The following ADORA2B variants were observed in gnomAD, a reference collection of about 807,000 sequenced individuals.
ADORA2B encodes the protein adenosine receptor A2b.
ADORA2B carries 18 observed loss-of-function variants against 20.8 expected under a neutral mutation model. The observed-to-expected ratio is 0.87, with a 90% CI of 0.60 to 1.29. The LOEUF (loss-of-function observed/expected upper bound fraction) is 1.29. Ranked by LOEUF, ADORA2B falls within the 50% of genes most tolerant of loss-of-function variation. ADORA2B has a pLI of 0.00. For missense variants in ADORA2B, 441 were observed against 422.7 expected, an observed-to-expected ratio of 1.04 and a Z score of -0.38; for synonymous variants, 179 against 178.3, an observed-to-expected ratio of 1.00 and a Z score of -0.03.
chr17:15,921,828 C>T, the ADORA2B span, among the ~76,000 whole-genome samples: 1 of 152,180 alleles, frequency 6.6e-6, no homozygotes, highest in Non-Finnish European at 1.5e-5. Flanking sequence ...CATTTATCCT[C>T]ATAAATGAAA....
At chr17:15,954,788 A>ACAT (rs1317134047) in intron 1 of ADORA2B, among the ~76,000 whole-genome samples, 1 of 152,090 alleles carries the variant, frequency 6.6e-6, no homozygotes, top group Non-Finnish European at 1.5e-5. Flanking sequence ...TTTATTTCTC[A>ACAT]CATATGATTG....
At chr17:15,900,040 C>T in the ADORA2B span, among the ~76,000 whole-genome samples, 3 of 151,934 alleles carry the variant, frequency 2.0e-5, no homozygotes, top group Non-Finnish European at 4.4e-5. Context: ...CCATGTTGGC[C>T]AGGGTGGTCT....
the ADORA2B span, among the ~76,000 whole-genome samples, chr17:15,930,411 C>G: frequency 2.6e-5 from 4 of 151,958 alleles, no homozygotes; most frequent in East Asian, 7.7e-4. Context: ...ATCCTCCTAC[C>G]TAGTCTCCAG....
At chr17:15,889,227 A>G in the ADORA2B span, among the ~76,000 whole-genome samples, 1 of 128,824 alleles carries the variant, frequency 7.8e-6, no homozygotes, top group South Asian at 2.3e-4. Flanking sequence ...TGTAAAAGTA[A>G]TAGCTGGTCA....
intron 1 of ADORA2B, among the ~76,000 whole-genome samples, chr17:15,953,791 C>T (rs996847555): frequency 1.3e-5 from 2 of 152,292 alleles, no homozygotes; most frequent in South Asian, 2.1e-4. Flanking sequence ...AAAGGTAACT[C>T]GTGCTGCTGG....
the ADORA2B span, among the ~76,000 whole-genome samples, chr17:15,867,029 C>T: frequency 5.3e-5 from 8 of 152,242 alleles, no homozygotes; most frequent in African/African-American, 9.7e-5. Flanking sequence ...GCGAGTGATC[C>T]GCCAGCCTCG....
chr17:15,867,620 CG>C, the ADORA2B span, among the ~76,000 whole-genome samples: 13 of 146,368 alleles, frequency 8.9e-5, no homozygotes, highest in African/African-American at 3.1e-4. Flanking sequence ...GGAAGGGAGG[CG>C]GGGGGGTCAG....
intron 1 of ADORA2B, among the ~76,000 whole-genome samples, chr17:15,951,105 A>C (rs559351470): frequency 6.6e-6 from 1 of 152,348 alleles, no homozygotes; most frequent in Admixed American, 6.5e-5. Flanking sequence ...ACAGGTGGGA[A>C]GGGAGGGTCC....
chr17:15,901,167 T>A, the ADORA2B span, among the ~76,000 whole-genome samples: 2 of 152,108 alleles, frequency 1.3e-5, no homozygotes, highest in African/African-American at 4.8e-5. Context: ...TGAGCTATAC[T>A]GAAATAGCTA....
At chr17:15,881,698 G>A in the ADORA2B span, among the ~76,000 whole-genome samples, 1 of 152,206 alleles carries the variant, frequency 6.6e-6, no homozygotes, top group African/African-American at 2.4e-5. Context: ...TTGATGAGGG[G>A]CTGATTTCAC....
intron 1 of ADORA2B, among the ~76,000 whole-genome samples, chr17:15,961,507 G>C (rs949392751): frequency 1.1e-4 from 17 of 152,176 alleles, no homozygotes; most frequent in African/African-American, 3.9e-4. Flanking sequence ...GGTTGTGTCT[G>C]CCAGGGTTCT....
chr17:15,966,871 G>C (rs1254147686), intron 1 of ADORA2B, among the ~76,000 whole-genome samples: 2 of 152,200 alleles, frequency 1.3e-5, no homozygotes, highest in Non-Finnish European at 2.9e-5. Flanking sequence ...CATTTGGGGC[G>C]GTTGTCCTGC....
At chr17:15,934,657 T>C in the ADORA2B span, among the ~76,000 whole-genome samples, 5 of 152,176 alleles carry the variant, frequency 3.3e-5, no homozygotes, top group African/African-American at 1.2e-4. Context: ...TATATAATGA[T>C]ATAAAAAAGC....
chr17:15,975,208 G>A lies in ADORA2B; in HGVS notation c.865G>A (p.Val289Ile). 6.2e-7 allele frequency: 1 copy of A among 1,614,100 alleles called. No individual in the cohort carries two copies. Among genetic ancestry groups the A allele is most frequent in the Non-Finnish European group, 8.5e-7 (1 of 1,180,036 alleles). ...TGCCAATTCAGTTGTCAATCCCATT[G>A]TCTATGCTTACCGGAACCGAGACTT... ...SHANSVVNPI[V>I]YAYRNRDFRY... The change falls in exon 2 of 2, where the codon GTC becomes ATC. Residue 289 changes from valine (V) to isoleucine (I), a missense_variant. Physicochemically the swap from Val to Ile is conservative, Grantham distance 29. Transcript: ENST00000304222.
At chr17:15,917,502 G>A in the ADORA2B span, among the ~76,000 whole-genome samples, 2 of 152,226 alleles carry the variant, frequency 1.3e-5, no homozygotes, top group African/African-American at 4.8e-5. Flanking sequence ...CATGTGGACG[G>A]TGCAGGCTGG....
chr17:15,881,468 C>T, the ADORA2B span, among the ~76,000 whole-genome samples: 68 of 152,166 alleles, frequency 4.5e-4, no homozygotes, highest in Non-Finnish European at 9.0e-4. Context: ...TTTAAGTGTA[C>T]AGTTCAGAGG....
chr17:15,971,533 C>T (rs1326388764), intron 1 of ADORA2B, among the ~76,000 whole-genome samples: 1 of 152,196 alleles, frequency 6.6e-6, no homozygotes, highest in Non-Finnish European at 1.5e-5. Context: ...TCTGCCTGTT[C>T]AGGCTGCAAC....
chr17:15,927,633 G>A, the ADORA2B span, among the ~76,000 whole-genome samples: 1 of 152,244 alleles, frequency 6.6e-6, no homozygotes, highest in Non-Finnish European at 1.5e-5. Context: ...AGCAACAAGA[G>A]CAAGACTCCG....
the ADORA2B span, among the ~76,000 whole-genome samples, chr17:15,877,234 G>A: frequency 1.3e-5 from 2 of 152,084 alleles, no homozygotes. Context: ...AAGATTGTAG[G>A]TTGATTCTAT....
Sources: allele counts gnomAD v4.1 joint callset (sites outside exome capture counted in the v4.1 genomes callset), GRCh38; gene constraint gnomAD v4.1.1; transcripts MANE v1.5; gene names NCBI Gene and HGNC (gene_info 2026-07-23, HGNC 2026-07-21).